The following GSDMB variants were observed in gnomAD, a reference collection of about 807,000 sequenced individuals.
The protein encoded by GSDMB is gasdermin B, also known as gasdermin-B.
GSDMB carries 32 observed loss-of-function variants against 42.9 expected under a neutral mutation model. The observed-to-expected ratio is 0.75, with a 90% CI of 0.56 to 1.00. The LOEUF (loss-of-function observed/expected upper bound fraction) is 1.00, where lower values mean the gene tolerates loss of function less well. Ranked by LOEUF, GSDMB falls within the 50% of genes least tolerant of loss-of-function variation. GSDMB has a pLI of 0.00. For synonymous variants in GSDMB, 175 were observed against 193.7 expected, an observed-to-expected ratio of 0.90 and a Z score of 0.80; for missense variants, 468 against 498.5, an observed-to-expected ratio of 0.94 and a Z score of 0.58.
In GSDMB at chr17:39,912,260, T is replaced by G. The variant is rs533200584; in HGVS notation, c.407+66A>C. On this transcript the variant is annotated intron_variant, in intron 3 of 10. Transcript: ENST00000418519. ...TTTAAAAAGAGCCGGTCTGCCACCC[T>G]TGAATCCCTTGGTGCCCAAGATGGG... The G allele has an allele frequency of 4.2e-5, 49 of 1,175,218 alleles. No individual in the cohort carries two copies. In the African/African-American group the frequency reaches 7.1e-4, roughly 17 times the overall value. 72.8% of individuals were successfully genotyped at this position (1,175,218 alleles called of 1,614,324 possible). A position where few individuals can be genotyped will look rare whatever the true frequency, so the allele number is the denominator to read the frequency against.
At chr17:39,907,308 G>GC in intron 6 of GSDMB, 1 of 630,146 alleles carries the variant, frequency 1.6e-6, no homozygotes, top group Non-Finnish European at 2.2e-6. Context: ...GCTCTCTTAG[G>GC]CAGTACAACC....
chr17:39,912,585 G>C, intron 2 of GSDMB, 88 bp from the exon 3 acceptor site: 1 of 995,152 alleles, frequency 1.0e-6, no homozygotes, highest in Non-Finnish European at 1.6e-6. Context: ...CCCCATCCTG[G>C]GTTCCGTGCC....
At chr17:39,914,761 C>CAAAA (rs71152627) in intron 2 of GSDMB, among the ~76,000 whole-genome samples, 10 of 90,930 alleles carry the variant, frequency 1.1e-4, no homozygotes, top group Admixed American at 2.8e-4. Context: ...CACTCCATCT[C>CAAAA]AAAAAAAAAA....
chr17:39,905,046 G>A, intron 10 of GSDMB, 82 bp from the exon 11 acceptor site: 1 of 1,160,208 alleles, frequency 8.6e-7, no homozygotes, highest in East Asian at 2.3e-5. Context: ...ACTCCTTGCT[G>A]CTGAGCTGAT....
chr17:39,907,446 T>C (rs2063525222), intron 6 of GSDMB: 1 of 155,844 alleles, frequency 6.4e-6, no homozygotes, highest in African/African-American at 2.4e-5. Context: ...CTCACGCCTG[T>C]AATCCCAGCA....
intron 2 of GSDMB, among the ~76,000 whole-genome samples, chr17:39,913,071 C>A (rs1376718743): frequency 1.3e-5 from 2 of 152,098 alleles, no homozygotes; most frequent in Non-Finnish European, 2.9e-5. Context: ...CACACCACTG[C>A]ACTCCAGCCT....
chr17:39,908,902 C>T (rs531254125), intron 5 of GSDMB, 56 bp downstream of exon 5: 173 of 1,091,018 alleles, frequency 1.6e-4, no homozygotes, highest in Admixed American at 2.5e-4. Context: ...TCCCACCCCC[C>T]ACCTCACTGG....
Position 39,917,334 on chromosome 17 carries a change from A to C in GSDMB, c.-14-4T>G. The C allele has an allele frequency of 1.1e-5, 17 of 1,527,806 alleles. No homozygotes were observed. Among genetic ancestry groups the C allele is most frequent in the Non-Finnish European group, 1.5e-5 (16 of 1,101,252 alleles). The allele number at this position is 1,527,806 out of a possible 1,614,324, so 94.6% of individuals were successfully genotyped here. On this transcript the variant is annotated splice_region_variant and splice_polypyrimidine_tract_variant and intron_variant, in intron 1 of 10. Coordinates refer to ENST00000418519, the MANE Select transcript of GSDMB (RefSeq NM_001165958.2). ...CTGAACATTGCGCCTGGACCAACTC[A>C]GAAACAGAAGCCAATTTCAGTTTTT...
rs1318064236 is a variant in GSDMB, at chr17:39,909,803, T to C, written c.529A>G (p.Lys177Glu). The C allele has an allele frequency of 2.5e-6, 4 of 1,614,054 alleles. No individual in the cohort carries two copies. The highest frequency in any genetic ancestry group is 3.4e-6 in the Non-Finnish European group (4 of 1,180,036). The change falls in exon 4 of 11, where the codon AAA (lysine) becomes GAA (glutamate). Residue 177 changes from lysine (K) to glutamate (E), a missense_variant. Transcript: ENST00000418519. ...EETLKSDRQY[K>E]FWSQISQGHL... The stretch of plus-strand genomic sequence containing the variant: ...CCCTGAGAGATCTGGCTCCAAAATT[T>C]ATATTGCCGGTCGCTTTTCAGGGTT...
intron 3 of GSDMB, 32 bp downstream of exon 3, chr17:39,912,294 C>G: frequency 4.1e-5 from 64 of 1,544,426 alleles, no homozygotes; most frequent in Non-Finnish European, 5.2e-5. Context: ...GGCTTCTTCC[C>G]CTCCTTCCCT....
At chr17:39,906,556 C>A (rs554697648) in intron 7 of GSDMB, 1 of 1,354,542 alleles carries the variant, frequency 7.4e-7, no homozygotes. Flanking sequence ...TTATTTGGCC[C>A]TTGCCATTCA....
At chr17:39,906,623 G>A in intron 7 of GSDMB, 3 of 1,305,490 alleles carry the variant, frequency 2.3e-6, no homozygotes, top group Non-Finnish European at 1.9e-6. Flanking sequence ...AGTTAAAGCA[G>A]TGGTTCTCAA....
At chr17:39,911,192 G>A (rs1011184874) in intron 3 of GSDMB, among the ~76,000 whole-genome samples, 15 of 151,830 alleles carry the variant, frequency 9.9e-5, no homozygotes, top group African/African-American at 3.4e-4. Context: ...GCGTGGTGGC[G>A]GGCACCTGTA....
Position 39,906,225 on chromosome 17 carries a change from C to A in GSDMB, c.774G>T (p.Leu258Phe). The A allele has an allele frequency of 6.2e-7, 1 of 1,614,038 alleles. No individual in the cohort carries two copies. Among genetic ancestry groups the A allele is most frequent in the Non-Finnish European group, 8.5e-7 (1 of 1,179,904 alleles). The change falls in exon 8 of 11, where the codon TTG becomes TTT. Residue 258 changes from leucine to phenylalanine, a missense_variant. Transcript: ENST00000418519. ...CCTTGAGGACACTCTCCATGTCCTC[C>A]AACTTCTCCTTCATGTTTCTGGAAT... Reference protein sequence around the residue: ...SEDSRNMKEKLEDMESVLKDL... With the variant: ...SEDSRNMKEKFEDMESVLKDL...
chr17:39,905,499 G>A lies in GSDMB; in HGVS notation c.1028-3C>T. ...AAACTGCTGCTCTTCAGACAGCTCT[G>A]GGGGCAAAGAAAGAGTGGTAAAAAG... On this transcript the variant is annotated splice_region_variant and splice_polypyrimidine_tract_variant and intron_variant, in intron 9 of 10. Transcript: ENST00000418519. 1.2e-6 allele frequency: 2 copies of A among 1,606,468 alleles called. No individual in the cohort carries two copies. Among genetic ancestry groups the A allele is most frequent in the South Asian group, 1.1e-5 (1 of 89,830 alleles).
chr17:39,909,006 G>A lies in GSDMB; in HGVS notation c.613C>T (p.Leu205=), dbSNP rs746276012. 12 of 1,604,928 alleles carry A rather than the reference G, an allele frequency of 7.5e-6. No homozygotes were observed. In the Admixed American group the frequency reaches 2.1e-4, roughly 27 times the overall value. The part of the protein sequence containing the change: ...REVTIPPNRV[L]SYRVKQLVFP... The stretch of plus-strand genomic sequence containing the variant: ...ACAAGCTGCTTTACTCGATAGCTCA[G>A]GACCCGATTTGGGGGGATGGTCACT... The change falls in exon 5 of 11, where the codon CTG becomes TTG. Residue 205 remains leucine (L), a synonymous_variant. Coordinates refer to ENST00000418519, the MANE Select transcript of GSDMB (RefSeq NM_001165958.2).
chr17:39,916,969 A>G, intron 2 of GSDMB, 113 bp downstream of exon 2: 1 of 709,790 alleles, frequency 1.4e-6, no homozygotes, highest in Non-Finnish European at 2.5e-6. Flanking sequence ...GATGTGTACA[A>G]ATCCCACAGT....
intron 7 of GSDMB, 143 bp from the exon 8 acceptor site, chr17:39,906,414 T>C: frequency 1.0e-6 from 1 of 954,032 alleles, no homozygotes; most frequent in Non-Finnish European, 1.5e-6. Context: ...AAATTAAGCA[T>C]CCTTCTTCCA....
At chr17:39,905,360 G>A in intron 10 of GSDMB, 66 bp downstream of exon 10, 1 of 1,103,252 alleles carries the variant, frequency 9.1e-7, no homozygotes. Context: ...TGGGACTTCT[G>A]GGTCCCTTGA....
Sources: gnomAD v4.1 joint callset for allele counts (sites outside exome capture counted in the v4.1 genomes callset) on GRCh38, gnomAD v4.1.1 for gene constraint, MANE v1.5 for transcripts, NCBI Gene and HGNC (gene_info 2026-07-23, HGNC 2026-07-21) for gene names.